Variants in ULK4 observed in about 807,000 individuals in gnomAD.
ULK4 encodes inactive serine/threonine-protein kinase ULK4.
In ULK4, 133 loss-of-function variants were observed where a neutral mutation model predicts 160.6. That is an observed-to-expected ratio of 0.83 (90% confidence interval 0.72 to 0.96). The LOEUF (loss-of-function observed/expected upper bound fraction) is 0.96, where lower values mean the gene tolerates loss of function less well. ULK4 is among the 40% of genes least tolerant of loss of function. The pLI, the probability that ULK4 is intolerant of heterozygous loss-of-function variation, is 0.00. For missense variants in ULK4, 1,580 were observed against 1,499.5 expected (o/e 1.05, Z -0.89); for synonymous variants, 534 against 539.8 (o/e 0.99, Z 0.15).
chr3:41,314,631 G>A (rs539839091), intron 35 of ULK4, among the ~76,000 whole-genome samples: 11 of 152,316 alleles, frequency 7.2e-5, no homozygotes, highest in African/African-American at 1.9e-4. Context: ...ACAAATAATG[G>A]TAGTGGTAAT....
chr3:41,705,303 ACT>A lies in ULK4; in HGVS notation c.2635_2636del (p.His880TyrfsTer2), dbSNP rs775240470. On this transcript the variant is annotated frameshift_variant and splice_region_variant, in exon 26 of 37. Coordinates refer to ENST00000301831, the MANE Select transcript of ULK4 (RefSeq NM_017886.4). LOFTEE classifies it high-confidence loss of function. ...EFLFSYGTIL[S>X]HIKSVDSGET... ...CTCCTGAGTCTACAGATTTAATATG[ACT>A]CTGAAAAAAAATAAATTTTTAATAA... The A allele has an allele frequency of 4.6e-5, 74 of 1,606,072 alleles. No homozygotes were observed. The highest frequency in any genetic ancestry group is 6.1e-5 in the Non-Finnish European group (72 of 1,176,910).
chr3:41,575,118 A>G (rs1199061805), intron 31 of ULK4, among the ~76,000 whole-genome samples: 2 of 152,358 alleles, frequency 1.3e-5, no homozygotes, highest in Admixed American at 6.5e-5. Context: ...GGCTTTTTGT[A>G]CCAAATACTG....
chr3:41,592,340 G>A (rs528442234), intron 31 of ULK4, among the ~76,000 whole-genome samples: 4 of 152,322 alleles, frequency 2.6e-5, no homozygotes, highest in Admixed American at 6.5e-5. Context: ...GGTCCCCTGG[G>A]TAAACCATTT....
intron 32 of ULK4, among the ~76,000 whole-genome samples, chr3:41,510,735 T>C (rs1293055370): frequency 6.6e-6 from 1 of 152,140 alleles, no homozygotes; most frequent in Non-Finnish European, 1.5e-5. Flanking sequence ...GAATGATCAT[T>C]GGGCTAACAA....
intron 29 of ULK4, among the ~76,000 whole-genome samples, chr3:41,669,114 A>C (rs1345888321): frequency 6.6e-6 from 1 of 152,248 alleles, no homozygotes; most frequent in African/African-American, 2.4e-5. Flanking sequence ...CAACATCTGG[A>C]GGAATGCAAA....
intron 27 of ULK4, among the ~76,000 whole-genome samples, chr3:41,696,252 C>G (rs923629967): frequency 6.6e-6 from 1 of 152,182 alleles, no homozygotes; most frequent in African/African-American, 2.4e-5. Flanking sequence ...GCTCCTAGTC[C>G]ACCTTCATGT....
intron 29 of ULK4, among the ~76,000 whole-genome samples, chr3:41,669,324 C>G (rs1360990297): frequency 2.6e-5 from 4 of 152,198 alleles, no homozygotes; most frequent in African/African-American, 9.7e-5. Flanking sequence ...TAGCTCACTG[C>G]AGCCTCAACC....
chr3:41,519,655 C>T (rs1262231489), intron 32 of ULK4, among the ~76,000 whole-genome samples: 1 of 152,106 alleles, frequency 6.6e-6, no homozygotes, highest in Non-Finnish European at 1.5e-5. Context: ...AAACATAAGA[C>T]ACAGTGCGCA....
intron 31 of ULK4, among the ~76,000 whole-genome samples, chr3:41,591,090 T>C (rs1335403916): frequency 6.6e-6 from 1 of 151,268 alleles, no homozygotes; most frequent in Non-Finnish European, 1.5e-5. Context: ...AGGAAAATCT[T>C]AAAAGGGGAA....
chr3:41,850,634 C>A (rs1490731359), intron 17 of ULK4, among the ~76,000 whole-genome samples: 1 of 141,416 alleles, frequency 7.1e-6, no homozygotes, highest in East Asian at 2.1e-4. Flanking sequence ...CTGTTAATAT[C>A]CTTTGCCCAC....
chr3:41,760,848 C>G (rs2038959899), intron 21 of ULK4, among the ~76,000 whole-genome samples: 1 of 152,120 alleles, frequency 6.6e-6, no homozygotes, highest in African/African-American at 2.4e-5. Flanking sequence ...CAAAAACAGT[C>G]CACATGTCCT....
chr3:41,455,261 A>C (rs2270605), intron 34 of ULK4, among the ~76,000 whole-genome samples: 47,922 of 152,016 alleles, frequency 0.32, 7,782 homozygotes, highest in African/African-American at 0.37. Context: ...ATTTGTTAAG[A>C]AAGTAATTAG....
intron 17 of ULK4, among the ~76,000 whole-genome samples, chr3:41,846,168 T>G (rs2042064349): frequency 6.6e-6 from 1 of 152,200 alleles, no homozygotes; most frequent in East Asian, 1.9e-4. Flanking sequence ...TAACTTTGGA[T>G]AGCATTAAAA....
intron 33 of ULK4, 77 bp downstream of exon 33, chr3:41,463,010 G>A: frequency 4.0e-6 from 6 of 1,484,930 alleles, no homozygotes; most frequent in Non-Finnish European, 5.5e-6. Flanking sequence ...AATAGAGGAA[G>A]ATAAGAAAGA....
At position 41,646,599 on chromosome 3, in the gene ULK4, G is replaced by A. The variant is rs533224399; in HGVS notation, c.3071+17008C>T. ...ATGGGCTTCCCTTTGTGGGTAACCC[G>A]ACCTTTCTCTATGGCTGCCCTTAAC... On this transcript the variant is annotated intron_variant, in intron 30 of 36. Transcript: ENST00000301831. 3.3e-3 allele frequency among the ~76,000 whole-genome samples: 500 copies of A among 152,264 alleles called. 2 individuals carry two copies. The highest frequency in any genetic ancestry group is 0.012 in the African/African-American group (482 of 41,542).
At chr3:41,772,297 G>C (rs895585186) in intron 21 of ULK4, among the ~76,000 whole-genome samples, 15 of 152,080 alleles carry the variant, frequency 9.9e-5, no homozygotes, top group Non-Finnish European at 1.6e-4. Flanking sequence ...TTTTTGAAAA[G>C]ATCAACAAAA....
At chr3:41,316,987 C>A (rs1288615166) in intron 35 of ULK4, among the ~76,000 whole-genome samples, 1 of 147,844 alleles carries the variant, frequency 6.8e-6, no homozygotes, top group African/African-American at 2.5e-5. Context: ...TACATATTTT[C>A]TAAAAACATT....
At chr3:41,284,768 C>G (rs909228959) in intron 35 of ULK4, among the ~76,000 whole-genome samples, 7 of 152,038 alleles carry the variant, frequency 4.6e-5, no homozygotes, top group Non-Finnish European at 1.0e-4. Context: ...AACTAAAGAG[C>G]TTTTGAACAG....
rs73828094 is a variant in ULK4, at chr3:41,505,757, A to G, written c.3227-42504T>C. Among the ~76,000 whole-genome samples the G allele has an allele frequency of 6.5e-3, 988 of 152,218 alleles. 13 individuals are homozygous for G. The highest frequency in any genetic ancestry group is 0.022 in the African/African-American group (931 of 41,540). ...AGGTTCACAATCATGTCATCTGAAA[A>G]TAAGGGTAGTTTTATTTCTTCCTTT... On this transcript the variant is annotated intron_variant, in intron 32 of 36. Transcript: ENST00000301831.
Sources: allele counts gnomAD v4.1 joint callset (sites outside exome capture counted in the v4.1 genomes callset), GRCh38; gene constraint gnomAD v4.1.1; transcripts MANE v1.5; gene names NCBI Gene and HGNC (gene_info 2026-07-23, HGNC 2026-07-21).